Variants in ALPK1 observed in about 807,000 individuals in gnomAD.
ALPK1 encodes the protein alpha-protein kinase 1.
Under a neutral mutation model 120.6 loss-of-function variants are expected in ALPK1, and 110 were observed. That is an observed-to-expected ratio of 0.91 (90% CI 0.78 to 1.07). The LOEUF (loss-of-function observed/expected upper bound fraction) is 1.07, where lower values mean the gene tolerates loss of function less well. Among genes scored for constraint, ALPK1 ranks in the 50% least tolerant of loss-of-function variants. ALPK1 has a pLI of 0.00. For synonymous variants in ALPK1, 582 were observed against 560.3 expected (o/e 1.04, Z -0.55); for missense variants, 1,498 against 1,483.9 (o/e 1.01, Z -0.16).
intron 4 of ALPK1, among the ~76,000 whole-genome samples, chr4:112,394,168 G>T (rs1732550058): frequency 6.6e-6 from 1 of 152,172 alleles, no homozygotes; most frequent in Admixed American, 6.5e-5. Flanking sequence ...TAAATGTGGG[G>T]TTTTCTCCCT....
At chr4:112,401,089 G>C (rs2148741503) in intron 4 of ALPK1, among the ~76,000 whole-genome samples, 1 of 152,296 alleles carries the variant, frequency 6.6e-6, no homozygotes, top group Non-Finnish European at 1.5e-5. Context: ...AACTGGTCTG[G>C]GCTGCCATCT....
intron 1 of ALPK1, among the ~76,000 whole-genome samples, chr4:112,314,244 G>T (rs866778597): frequency 3.3e-5 from 5 of 152,328 alleles, no homozygotes; most frequent in Middle Eastern, 3.4e-3. Flanking sequence ...TGAGGATGAG[G>T]ATGGAGGAAG....
intron 5 of ALPK1, among the ~76,000 whole-genome samples, chr4:112,418,855 T>C (rs1169612323): frequency 1.3e-5 from 2 of 152,122 alleles, no homozygotes; most frequent in Non-Finnish European, 2.9e-5. Context: ...CCTTTTTAAG[T>C]CATGTCAAGA....
At chr4:112,415,850 C>T (rs528257870) in intron 5 of ALPK1, among the ~76,000 whole-genome samples, 69 of 152,072 alleles carry the variant, frequency 4.5e-4, no homozygotes, top group Non-Finnish European at 8.2e-4. Context: ...GTAAGGGTGC[C>T]CAACTGCCAA....
At chr4:112,434,409 C>G (rs757885612) in intron 11 of ALPK1, among the ~76,000 whole-genome samples, 2 of 152,188 alleles carry the variant, frequency 1.3e-5, no homozygotes, top group African/African-American at 2.4e-5. Flanking sequence ...CCCACGTATC[C>G]CATTCATTTA....
Position 112,440,994 on chromosome 4 carries a change from A to G in ALPK1, c.3616A>G (p.Thr1206Ala). The change falls in exon 15 of 16, where the codon ACT becomes GCT. Residue 1206 changes from threonine (T) to alanine (A), a missense_variant. Coordinates refer to ENST00000650871, the MANE Select transcript of ALPK1 (RefSeq NM_025144.4). The stretch of plus-strand genomic sequence containing the variant: ...TCACTCCGTTGATCAGAAAGTTTTC[A>G]CTACCAATTTTGGAAAGAGAGGAAT... ...QIHSVDQKVF[T>A]TNFGKRGIFY... The G allele has an allele frequency of 6.2e-7, 1 of 1,614,058 alleles. No homozygotes were observed. The highest frequency in any genetic ancestry group is 8.5e-7 in the Non-Finnish European group (1 of 1,179,930).
chr4:112,343,852 T>C (rs977911356), intron 2 of ALPK1, among the ~76,000 whole-genome samples: 3 of 151,762 alleles, frequency 2.0e-5, no homozygotes, highest in African/African-American at 7.3e-5. Context: ...TGCCCATCTG[T>C]TGCAGCCTAG....
chr4:112,387,893 T>C (rs1008169906), intron 4 of ALPK1, among the ~76,000 whole-genome samples: 12 of 152,196 alleles, frequency 7.9e-5, no homozygotes, highest in Non-Finnish European at 1.6e-4. Context: ...CTAAGCCTAG[T>C]ACCCATTAGT....
In ALPK1 at chr4:112,391,970, G is replaced by GGA. The variant is rs753938816; in HGVS notation, c.276+9418_276+9419insGA. 3.3e-5 allele frequency among the ~76,000 whole-genome samples: 5 copies of GGA among 150,508 alleles called. No homozygotes were observed. The East Asian group carries it at 9.7e-4, about 29-fold the overall frequency. On this transcript the variant is annotated intron_variant, in intron 4 of 15. Coordinates refer to ENST00000650871, the MANE Select transcript of ALPK1 (RefSeq NM_025144.4). ...AGGCAAAATAAACCCCAGTCCACAGGAAAAAAAAACAGAATTTGTTCAATG... is the reference window on the plus strand; with the variant it reads ...AGGCAAAATAAACCCCAGTCCACAGGGAAAAAAAAAACAGAATTTGTTCAATG...
rs766793267 is a variant in ALPK1 at position 112,439,740 on chromosome 4, G to T, written c.3406G>T (p.Gly1136Ter). 1 of 1,613,488 alleles carries T rather than the reference G, an allele frequency of 6.2e-7. No homozygotes were observed. The highest frequency in any genetic ancestry group is 8.5e-7 in the Non-Finnish European group (1 of 1,179,766). Reference sequence around the variant, plus strand: ...TATCAGTGTGGAGCCTTACATACTGGGAGAATTTGTAAAATTGTCAAATAA... The same window carrying T: ...TATCAGTGTGGAGCCTTACATACTGTGAGAATTTGTAAAATTGTCAAATAA... ...GCISVEPYIL[G>*]EFVKLSNNTK... The change falls in exon 14 of 16, where the codon GGA (glycine) becomes TGA (stop). Residue 1136 changes from glycine (G) to a stop codon, truncating the protein, a stop_gained. Coordinates refer to ENST00000650871, the MANE Select transcript of ALPK1 (RefSeq NM_025144.4). LOFTEE classifies it high-confidence loss of function.
At chr4:112,301,602 CT>C (rs1727790520) in intron 1 of ALPK1, among the ~76,000 whole-genome samples, 1 of 152,164 alleles carries the variant, frequency 6.6e-6, no homozygotes, top group Admixed American at 6.5e-5. Context: ...CTCTGATCAC[CT>C]TATTCCCAAG....
At chr4:112,320,632 A>C (rs974681042) in intron 2 of ALPK1, among the ~76,000 whole-genome samples, 1 of 152,100 alleles carries the variant, frequency 6.6e-6, no homozygotes, top group African/African-American at 2.4e-5. Flanking sequence ...TCTTCTTTAA[A>C]TGTCTGATAT....
At chr4:112,351,536 C>T (rs754809986) in intron 2 of ALPK1, among the ~76,000 whole-genome samples, 4 of 151,696 alleles carry the variant, frequency 2.6e-5, no homozygotes, top group East Asian at 1.9e-4. Flanking sequence ...TGCAGTGGCA[C>T]GATCTCGGCT....
At chr4:112,321,819 T>C (rs568532854) in intron 2 of ALPK1, among the ~76,000 whole-genome samples, 2 of 152,222 alleles carry the variant, frequency 1.3e-5, no homozygotes, top group Non-Finnish European at 2.9e-5. Context: ...ATTTTAATGT[T>C]CCACAAAATT....
chr4:112,408,780 C>A (rs945299074), intron 4 of ALPK1, among the ~76,000 whole-genome samples: 2 of 152,100 alleles, frequency 1.3e-5, no homozygotes, highest in African/African-American at 2.4e-5. Flanking sequence ...AGCCAACAGA[C>A]TTTTTCTCAT....
intron 3 of ALPK1, 102 bp downstream of exon 3, chr4:112,378,000 T>TATGAGAC: frequency 8.5e-7 from 1 of 1,177,352 alleles, no homozygotes. Context: ...TTTCTTCTCT[T>TATGAGAC]GGCAGATGAC....
At chr4:112,305,993 T>C (rs1728034062) in intron 1 of ALPK1, among the ~76,000 whole-genome samples, 1 of 152,094 alleles carries the variant, frequency 6.6e-6, no homozygotes. Context: ...CTTTTCTGCA[T>C]CTATTGAGAT....
chr4:112,304,078 C>T (rs1486688685), intron 1 of ALPK1, among the ~76,000 whole-genome samples: 1 of 152,154 alleles, frequency 6.6e-6, no homozygotes, highest in African/African-American at 2.4e-5. Context: ...AGGACATGAA[C>T]TCATCCTTTT....
intron 2 of ALPK1, chr4:112,359,717 C>T (rs1311824594): frequency 7.6e-6 from 2 of 261,914 alleles, no homozygotes; most frequent in African/African-American, 2.3e-5. Flanking sequence ...GACTTTCCCA[C>T]GGGCATGCAG....
Sources: allele counts gnomAD v4.1 joint callset (sites outside exome capture counted in the v4.1 genomes callset), GRCh38; gene constraint gnomAD v4.1.1; transcripts MANE v1.5; gene names NCBI Gene and HGNC (gene_info 2026-07-23, HGNC 2026-07-21).